GABRG3: variants seen among roughly 807,000 people sequenced by gnomAD.
GABRG3 encodes gamma-aminobutyric acid receptor subunit gamma-3.
Under a neutral mutation model 48.8 loss-of-function variants are expected in GABRG3, and 25 were observed. That is an observed-to-expected ratio of 0.51 (90% CI 0.37 to 0.72). GABRG3 has a LOEUF of 0.72. Ranked by LOEUF, GABRG3 falls within the 30% of genes least tolerant of loss-of-function variation. The probability of loss-of-function intolerance (pLI) is 0.00; values close to 1 mark genes in which losing one functional copy is unlikely to be tolerated. For synonymous variants in GABRG3, 227 were observed against 217.6 expected (o/e 1.04, Z -0.38); for missense variants, 394 against 577.9 (o/e 0.68, Z 3.26).
At position 27,333,698 on chromosome 15, in the gene GABRG3, A is replaced by G. The variant is rs143719826; in HGVS notation, c.574+4810A>G. Among the ~76,000 whole-genome samples the G allele has an allele frequency of 4.8e-3, 728 of 152,296 alleles. 5 individuals are homozygous for G. The highest frequency in any genetic ancestry group is 0.017 in the African/African-American group (710 of 41,572). ...GGTTACTAGTTTGCCTGCCACGAGTACTAGTCACTCAGAGCATTCCAAGAC... is the reference window on the plus strand; with the variant it reads ...GGTTACTAGTTTGCCTGCCACGAGTGCTAGTCACTCAGAGCATTCCAAGAC... On this transcript the variant is annotated intron_variant, in intron 5 of 9. Transcript: ENST00000615808.
chr15:27,242,016 A>G lies in GABRG3; in HGVS notation c.271-84793A>G, dbSNP rs1890142291. On this transcript the variant is annotated intron_variant, in intron 3 of 9. Coordinates refer to ENST00000615808, the MANE Select transcript of GABRG3 (RefSeq NM_033223.5). ...GATGTTCAGCTGATATGACAGCTTC[A>G]TTAAAACCACTGGAACCCAGGTTTC... Among the ~76,000 whole-genome samples the G allele has an allele frequency of 2.0e-5, 3 of 152,360 alleles. No individual in the cohort carries two copies. The South Asian group carries it at 6.2e-4, about 32-fold the overall frequency.
At chr15:27,160,623 T>C (rs1434532283) in intron 3 of GABRG3, among the ~76,000 whole-genome samples, 1 of 152,134 alleles carries the variant, frequency 6.6e-6, no homozygotes, top group Non-Finnish European at 1.5e-5. Flanking sequence ...GATGTTTCTT[T>C]TTTACAGCAT....
chr15:27,014,884 T>C (rs1321130442), intron 2 of GABRG3, among the ~76,000 whole-genome samples: 1 of 152,230 alleles, frequency 6.6e-6, no homozygotes, highest in Non-Finnish European at 1.5e-5. Flanking sequence ...CCTACTATTA[T>C]CGTGTTGCTG....
chr15:27,167,482 G>T (rs1196699265), intron 3 of GABRG3, among the ~76,000 whole-genome samples: 2 of 152,216 alleles, frequency 1.3e-5, no homozygotes, highest in African/African-American at 4.8e-5. Flanking sequence ...CTTCAGCACT[G>T]CCTGCATGTG....
At chr15:27,474,489 A>C (rs528397313) in intron 5 of GABRG3, among the ~76,000 whole-genome samples, 5 of 152,264 alleles carry the variant, frequency 3.3e-5, no homozygotes, top group Admixed American at 1.3e-4. Flanking sequence ...ATCCACAAAA[A>C]AAGCTGCTGT....
At chr15:27,117,998 A>G (rs557348687) in intron 3 of GABRG3, among the ~76,000 whole-genome samples, 4 of 152,218 alleles carry the variant, frequency 2.6e-5, no homozygotes, top group Non-Finnish European at 4.4e-5. Context: ...TACTTAACCA[A>G]TGTACGGAAC....
chr15:27,016,935 TG>T (rs1280579176), intron 2 of GABRG3, among the ~76,000 whole-genome samples: 1 of 152,216 alleles, frequency 6.6e-6, no homozygotes, highest in Admixed American at 6.5e-5. Flanking sequence ...CAAGTAGTTT[TG>T]TTTGTTTCTT....
At chr15:27,198,679 A>G (rs1325261921) in intron 3 of GABRG3, among the ~76,000 whole-genome samples, 1 of 152,242 alleles carries the variant, frequency 6.6e-6, no homozygotes, top group Non-Finnish European at 1.5e-5. Context: ...TAATTCTGCT[A>G]TAAAGATACA....
chr15:27,449,606 T>C (rs1889048823), intron 5 of GABRG3, among the ~76,000 whole-genome samples: 1 of 152,188 alleles, frequency 6.6e-6, no homozygotes, highest in East Asian at 1.9e-4. Context: ...CTGGTTAAAA[T>C]AGTGAAAAAC....
At chr15:27,059,650 G>A (rs1896611776) in intron 3 of GABRG3, among the ~76,000 whole-genome samples, 1 of 152,240 alleles carries the variant, frequency 6.6e-6, no homozygotes, top group African/African-American at 2.4e-5. Context: ...GTCCAAGAGA[G>A]GAGACATGTG....
chr15:27,225,597 T>C (rs1889587628), intron 3 of GABRG3, among the ~76,000 whole-genome samples: 1 of 152,102 alleles, frequency 6.6e-6, no homozygotes, highest in South Asian at 2.1e-4. Context: ...CCCACCTGCC[T>C]TCCACCCAGA....
chr15:27,336,207 A>AG (rs1491355333), intron 5 of GABRG3, among the ~76,000 whole-genome samples: 11 of 134,886 alleles, frequency 8.2e-5, no homozygotes, highest in Admixed American at 4.2e-4. Flanking sequence ...AGAAAGAAAG[A>AG]AAGAGAGAGA....
chr15:27,519,415 G>A (rs1026624252), intron 6 of GABRG3, among the ~76,000 whole-genome samples: 2 of 152,042 alleles, frequency 1.3e-5, no homozygotes, highest in Non-Finnish European at 2.9e-5. Context: ...TTCTGGGTTG[G>A]CACAGCTTAA....
chr15:27,307,497 A>G (rs1457241077), intron 3 of GABRG3, among the ~76,000 whole-genome samples: 14 of 88,702 alleles, frequency 1.6e-4, no homozygotes, highest in African/African-American at 2.6e-4. Flanking sequence ...AGGTTTATAT[A>G]TTTATATATA....
At chr15:27,370,430 C>A (rs1018790013) in intron 5 of GABRG3, among the ~76,000 whole-genome samples, 1 of 152,206 alleles carries the variant, frequency 6.6e-6, no homozygotes, top group Non-Finnish European at 1.5e-5. Context: ...GGACATCAGA[C>A]AACCTAACGC....
intron 2 of GABRG3, among the ~76,000 whole-genome samples, chr15:26,978,764 C>T (rs370681755): frequency 1.3e-5 from 2 of 152,204 alleles, no homozygotes; most frequent in Non-Finnish European, 2.9e-5. Context: ...TCAAGTAATT[C>T]AACCTCTTTA....
intron 3 of GABRG3, among the ~76,000 whole-genome samples, chr15:27,168,149 A>AG (rs1595563492): frequency 6.6e-6 from 1 of 151,024 alleles, no homozygotes; most frequent in Non-Finnish European, 1.5e-5. Context: ...AAAAAAAAAA[A>AG]GGGAAAACAG....
intron 2 of GABRG3, among the ~76,000 whole-genome samples, chr15:27,015,416 G>A (rs1302508509): frequency 2.3e-5 from 3 of 127,908 alleles, no homozygotes; most frequent in East Asian, 2.2e-4. Flanking sequence ...ATGGAATCTC[G>A]CTCTGTCACC....
chr15:27,296,639 A>T (rs1262185672), intron 3 of GABRG3, among the ~76,000 whole-genome samples: 1 of 152,168 alleles, frequency 6.6e-6, no homozygotes, highest in African/African-American at 2.4e-5. Flanking sequence ...TAGTGATAGC[A>T]TAGTCATTGT....
Sources: gnomAD v4.1 joint callset for allele counts (sites outside exome capture counted in the v4.1 genomes callset) on GRCh38, gnomAD v4.1.1 for gene constraint, MANE v1.5 for transcripts, NCBI Gene and HGNC (gene_info 2026-07-23, HGNC 2026-07-21) for gene names.